ANO4: variants seen among roughly 807,000 people sequenced by gnomAD.
ANO4 encodes the protein anoctamin 4.
ANO4 carries 69 observed loss-of-function variants against 141.9 expected under a neutral mutation model. The observed-to-expected ratio is 0.49, with a 90% CI of 0.40 to 0.59. The LOEUF is 0.59. Ranked by LOEUF, ANO4 falls within the 20% of genes least tolerant of loss-of-function variation. The pLI, the probability that ANO4 is intolerant of heterozygous loss-of-function variation, is 0.00. For synonymous variants in ANO4, 350 were observed against 394.3 expected (o/e 0.89, Z 1.33); for missense variants, 894 against 1,162.2 (o/e 0.77, Z 3.36).
chr12:100,784,235 C>T (rs1174352996), intron 3 of ANO4, among the ~76,000 whole-genome samples: 6 of 152,132 alleles, frequency 3.9e-5, no homozygotes, highest in Non-Finnish European at 1.5e-5. Flanking sequence ...CCCTTCCTGG[C>T]CTGTACCAAC....
chr12:101,009,348 T>C (rs988496439), intron 8 of ANO4, among the ~76,000 whole-genome samples: 5 of 152,102 alleles, frequency 3.3e-5, no homozygotes, highest in African/African-American at 7.2e-5. Context: ...TCTTGGACTT[T>C]CAGCCTCCAG....
intron 1 of ANO4, among the ~76,000 whole-genome samples, chr12:100,722,354 G>A (rs578110275): frequency 6.6e-6 from 1 of 152,228 alleles, no homozygotes; most frequent in Non-Finnish European, 1.5e-5. Flanking sequence ...GTTGTTCCTT[G>A]TTTAAAATTC....
rs564763415 is a variant in ANO4, at chr12:100,767,130, AT to A, written c.358+27032del. 1.9e-3 allele frequency among the ~76,000 whole-genome samples: 291 copies of A among 152,032 alleles called. 4 individuals are homozygous for A. Among genetic ancestry groups the A allele is most frequent in the African/African-American group, 6.8e-3 (282 of 41,490 alleles). On this transcript the variant is annotated intron_variant, in intron 3 of 29. Coordinates refer to the ANO4 transcript ENST00000644049. ...TCTCTTGTAGGCAGCATATAGGTAT[AT>A]TTTTTTCTTTTTAAATTTATTCAGC... is the stretch of plus-strand genomic sequence containing the variant.
chr12:100,718,161 A>G (rs1170603496), intron 1 of ANO4, among the ~76,000 whole-genome samples: 3 of 152,228 alleles, frequency 2.0e-5, no homozygotes, highest in African/African-American at 7.2e-5. Context: ...ACATATACAT[A>G]TATACATGTG....
intron 3 of ANO4, among the ~76,000 whole-genome samples, chr12:100,925,360 A>G (rs1230596321): frequency 5.3e-5 from 8 of 152,046 alleles, no homozygotes; most frequent in African/African-American, 1.9e-4. Flanking sequence ...CCAGTGTGTG[A>G]TGTTCCCCTC....
chr12:100,957,461 A>G lies in ANO4; in HGVS notation c.457-13845A>G, dbSNP rs1418555562. 4.6e-5 allele frequency among the ~76,000 whole-genome samples: 7 copies of G among 152,206 alleles called. No individual in the cohort carries two copies. The East Asian group carries it at 1.3e-3, about 29-fold the overall frequency. On this transcript the variant is annotated intron_variant, in intron 5 of 27. Coordinates refer to ENST00000392977, the MANE Select transcript of ANO4 (RefSeq NM_001286615.2). ...ACACTGGGGGTGACATTTCAACATGAGTTATGGTGGAGACAAACAAACCAT... is the reference window on the plus strand; with the variant it reads ...ACACTGGGGGTGACATTTCAACATGGGTTATGGTGGAGACAAACAAACCAT...
At chr12:100,913,449 G>C (rs2041202744) in intron 2 of ANO4, among the ~76,000 whole-genome samples, 1 of 152,102 alleles carries the variant, frequency 6.6e-6, no homozygotes, top group Admixed American at 6.6e-5. Context: ...GTTACAATAA[G>C]AATTCTGAGA....
In ANO4 at chr12:100,921,025, C is replaced by T. The variant is rs181078753; in HGVS notation, c.56-1201C>T. Among the ~76,000 whole-genome samples the T allele has an allele frequency of 4.5e-4, 69 of 152,214 alleles. 1 individual carries two copies. Among genetic ancestry groups the T allele is most frequent in the African/African-American group, 1.4e-3 (58 of 41,540 alleles). ...CAGCATTATCTAATAAGAATTTCAA[C>T]GTTGGTCTCTCAGACTCCAGAATCT... is the stretch of plus-strand genomic sequence containing the variant. On this transcript the variant is annotated intron_variant, in intron 2 of 27. Transcript: ENST00000392977.
chr12:100,970,682 C>G (rs1228241963), intron 5 of ANO4, among the ~76,000 whole-genome samples: 5 of 79,036 alleles, frequency 6.3e-5, no homozygotes, highest in African/African-American at 2.8e-4. Flanking sequence ...TCCTTCCTTC[C>G]TTCCTTCCTT....
In ANO4 at chr12:101,127,049, A is replaced by T. The variant is rs753251983; in HGVS notation, c.2847A>T (p.Ala949=). 1.2e-6 allele frequency: 2 copies of T among 1,613,694 alleles called. No individual in the cohort carries two copies. The highest frequency in any genetic ancestry group is 1.7e-6 in the Non-Finnish European group (2 of 1,179,776). ...AGGAGAGGAAGAAGAATGGAAAAGC[A>T]CACCACAACGAGTGGCCGTGACCAT... is the stretch of plus-strand genomic sequence containing the variant. ...ERKERKKNGK[A]HHNEWP The change falls in exon 27 of 28, where the codon GCA becomes GCT. Residue 949 remains alanine (A), a synonymous_variant. Transcript: ENST00000392977.
chr12:100,799,165 A>C (rs1401789644), intron 1 of ANO4, among the ~76,000 whole-genome samples: 2 of 152,192 alleles, frequency 1.3e-5, no homozygotes, highest in Non-Finnish European at 2.9e-5. Context: ...ATAATCCCAG[A>C]GGACTGTAAC....
chr12:100,991,966 G>A (rs1333190963), intron 8 of ANO4, among the ~76,000 whole-genome samples: 3 of 152,050 alleles, frequency 2.0e-5, no homozygotes, highest in South Asian at 4.1e-4. Flanking sequence ...ACTAATATTT[G>A]TCCAGTTGCT....
intron 1 of ANO4, among the ~76,000 whole-genome samples, chr12:100,893,294 C>T (rs570359964): frequency 2.5e-4 from 38 of 151,526 alleles, no homozygotes; most frequent in Non-Finnish European, 5.2e-4. Flanking sequence ...AGCACCAGCA[C>T]TGTTTCATTT....
chr12:100,876,969 A>G (rs566515212), intron 1 of ANO4, among the ~76,000 whole-genome samples: 1 of 152,340 alleles, frequency 6.6e-6, no homozygotes, highest in Admixed American at 6.5e-5. Flanking sequence ...GTCATTTGTG[A>G]CAAAATGGAT....
At chr12:100,837,753 C>G (rs1254043496) in intron 1 of ANO4, among the ~76,000 whole-genome samples, 1 of 149,524 alleles carries the variant, frequency 6.7e-6, no homozygotes, top group Non-Finnish European at 1.5e-5. Context: ...CGCTCATACC[C>G]AAAGTCAGGG....
intron 8 of ANO4, among the ~76,000 whole-genome samples, chr12:101,002,584 G>A (rs1409967575): frequency 6.6e-6 from 1 of 152,154 alleles, no homozygotes; most frequent in African/African-American, 2.4e-5. Context: ...CCCAAGGTGT[G>A]CTCTCTTTCC....
intron 1 of ANO4, among the ~76,000 whole-genome samples, chr12:100,718,432 G>C (rs1041189257): frequency 2.0e-5 from 3 of 152,180 alleles, no homozygotes; most frequent in Non-Finnish European, 4.4e-5. Context: ...CATTTTAAAG[G>C]GGAAAGCTGT....
intron 25 of ANO4, among the ~76,000 whole-genome samples, chr12:101,117,090 G>A (rs768096878): frequency 1.3e-5 from 2 of 152,216 alleles, no homozygotes; most frequent in African/African-American, 2.4e-5. Flanking sequence ...TTATACCGCT[G>A]CTCCAGGGAC....
intron 9 of ANO4, among the ~76,000 whole-genome samples, chr12:101,023,649 A>C (rs1198723925): frequency 6.6e-6 from 1 of 152,248 alleles, no homozygotes; most frequent in Admixed American, 6.5e-5. Context: ...CCTGGGCAAC[A>C]GAACAGGAGT....
Sources: gnomAD v4.1 joint callset for allele counts (sites outside exome capture counted in the v4.1 genomes callset) on GRCh38, gnomAD v4.1.1 for gene constraint, MANE v1.5 for transcripts, NCBI Gene and HGNC (gene_info 2026-07-23, HGNC 2026-07-21) for gene names.